Variants in CACNG3 observed in about 807,000 individuals in gnomAD.
CACNG3 encodes the protein calcium voltage-gated channel auxiliary subunit gamma 3, also known as voltage-dependent calcium channel gamma-3 subunit.
A neutral mutation model predicts 28.5 loss-of-function variants in CACNG3; 3 were observed. The observed-to-expected ratio is 0.11, with a 90% CI of 0.05 to 0.27. The LOEUF (loss-of-function observed/expected upper bound fraction) is 0.27, where lower values mean the gene tolerates loss of function less well. Ranked by LOEUF, CACNG3 falls within the 10% of genes least tolerant of loss-of-function variation. CACNG3 has a pLI of 1.00. For synonymous variants in CACNG3, 174 were observed against 162.2 expected (o/e 1.07, Z -0.55); for missense variants, 236 against 414.4 (o/e 0.57, Z 3.74).
intron 2 of CACNG3, among the ~76,000 whole-genome samples, chr16:24,352,869 AC>A (rs1899975205): frequency 6.6e-6 from 1 of 152,292 alleles, no homozygotes; most frequent in East Asian, 1.9e-4. Context: ...TCTACCCGTT[AC>A]ACGGGGCTCA....
At chr16:24,266,870 TGG>T (rs1401832812) in intron 1 of CACNG3, among the ~76,000 whole-genome samples, 1 of 151,982 alleles carries the variant, frequency 6.6e-6, no homozygotes, top group Non-Finnish European at 1.5e-5. Context: ...TTATGGATCC[TGG>T]GAGCTGTTTC....
intron 1 of CACNG3, among the ~76,000 whole-genome samples, chr16:24,274,116 G>A (rs752464794): frequency 2.6e-5 from 4 of 151,022 alleles, no homozygotes; most frequent in Non-Finnish European, 5.9e-5. Context: ...GAACCTCGGA[G>A]GCGGAGGTTG....
intron 1 of CACNG3, among the ~76,000 whole-genome samples, chr16:24,266,456 G>A (rs757681632): frequency 4.6e-5 from 7 of 152,030 alleles, no homozygotes; most frequent in Non-Finnish European, 8.8e-5. Flanking sequence ...TGAAACTGAG[G>A]GTGACACTTA....
chr16:24,298,167 T>C (rs1449705354), intron 1 of CACNG3, among the ~76,000 whole-genome samples: 1 of 152,222 alleles, frequency 6.6e-6, no homozygotes, highest in Non-Finnish European at 1.5e-5. Flanking sequence ...TATATTTACA[T>C]TTTCTACTGT....
intron 1 of CACNG3, among the ~76,000 whole-genome samples, chr16:24,286,656 T>TA (rs1898899219): frequency 6.6e-6 from 1 of 152,130 alleles, no homozygotes; most frequent in Admixed American, 6.5e-5. Context: ...ACTAGTACCT[T>TA]AGGTACATGT....
intron 1 of CACNG3, among the ~76,000 whole-genome samples, chr16:24,327,385 C>T (rs1404901956): frequency 6.8e-6 from 1 of 146,210 alleles, no homozygotes; most frequent in African/African-American, 2.5e-5. Context: ...CGAAAGCAGC[C>T]TGGGCAAAAT....
At chr16:24,292,672 A>C (rs1898981350) in intron 1 of CACNG3, among the ~76,000 whole-genome samples, 1 of 152,066 alleles carries the variant, frequency 6.6e-6, no homozygotes, top group Non-Finnish European at 1.5e-5. Flanking sequence ...TCTCTCCCAC[A>C]AATCTATATT....
intron 1 of CACNG3, among the ~76,000 whole-genome samples, chr16:24,290,070 C>G (rs1053212630): frequency 1.3e-5 from 2 of 152,348 alleles, no homozygotes; most frequent in Admixed American, 6.5e-5. Context: ...AGAAGACCTA[C>G]TATATGTCAG....
intron 1 of CACNG3, among the ~76,000 whole-genome samples, chr16:24,318,913 G>A (rs1368615413): frequency 6.6e-6 from 1 of 152,152 alleles, no homozygotes; most frequent in East Asian, 1.9e-4. Flanking sequence ...CTGCTATGTG[G>A]CATCCGGACA....
At chr16:24,317,630 G>GAAAAGA (rs1567217547) in intron 1 of CACNG3, among the ~76,000 whole-genome samples, 15 of 41,106 alleles carry the variant, frequency 3.6e-4, no homozygotes, top group South Asian at 1.3e-3. Context: ...AAGAAAGACA[G>GAAAAGA]ACAGAAAGAA....
intron 1 of CACNG3, among the ~76,000 whole-genome samples, chr16:24,289,512 T>C (rs1241250185): frequency 6.6e-6 from 1 of 152,186 alleles, no homozygotes; most frequent in African/African-American, 2.4e-5. Context: ...AGTAGGAGCC[T>C]TGCATTTCAG....
At chr16:24,317,610 G>T (rs1306206640) in intron 1 of CACNG3, among the ~76,000 whole-genome samples, 1 of 66,588 alleles carries the variant, frequency 1.5e-5, no homozygotes, top group Non-Finnish European at 2.9e-5. Flanking sequence ...AAGAAAGAAA[G>T]AAAGAAAGAA....
intron 1 of CACNG3, among the ~76,000 whole-genome samples, chr16:24,287,737 G>T (rs1898914115): frequency 6.6e-6 from 1 of 152,054 alleles, no homozygotes; most frequent in Non-Finnish European, 1.5e-5. Flanking sequence ...TATGCCTCTT[G>T]GCTTACAGGT....
chr16:24,316,023 C>T (rs1424290485), intron 1 of CACNG3, among the ~76,000 whole-genome samples: 1 of 152,070 alleles, frequency 6.6e-6, no homozygotes, highest in Non-Finnish European at 1.5e-5. Flanking sequence ...CCAGGCACTT[C>T]ACAGATATTG....
chr16:24,296,827 A>G (rs1210793702), intron 1 of CACNG3, among the ~76,000 whole-genome samples: 1 of 152,184 alleles, frequency 6.6e-6, no homozygotes, highest in Admixed American at 6.5e-5. Flanking sequence ...TTCATTATCT[A>G]TTTTGAGCCT....
intron 1 of CACNG3, among the ~76,000 whole-genome samples, chr16:24,260,342 C>T (rs544324937): frequency 6.6e-6 from 1 of 152,162 alleles, no homozygotes; most frequent in South Asian, 2.1e-4. Flanking sequence ...CAGAATATCC[C>T]TTACATTTAG....
chr16:24,291,017 C>T (rs1415839064), intron 1 of CACNG3, among the ~76,000 whole-genome samples: 1 of 152,154 alleles, frequency 6.6e-6, no homozygotes, highest in Non-Finnish European at 1.5e-5. Context: ...GGATGGGTTG[C>T]ATCCTAGCTC....
intron 2 of CACNG3, among the ~76,000 whole-genome samples, chr16:24,353,914 C>T (rs879648276): frequency 2.6e-5 from 4 of 152,068 alleles, no homozygotes; most frequent in East Asian, 1.9e-4. Flanking sequence ...GCTCTTAGGC[C>T]GGGTGCAGTG....
At chr16:24,284,465 T>C (rs1431246957) in intron 1 of CACNG3, among the ~76,000 whole-genome samples, 4 of 152,218 alleles carry the variant, frequency 2.6e-5, no homozygotes, top group Non-Finnish European at 4.4e-5. Flanking sequence ...AATAGTGTGA[T>C]TGCTTATAAT....
Sources: allele counts gnomAD v4.1 joint callset (sites outside exome capture counted in the v4.1 genomes callset), GRCh38; gene constraint gnomAD v4.1.1; transcripts MANE v1.5; gene names NCBI Gene and HGNC (gene_info 2026-07-23, HGNC 2026-07-21).